The following SLC7A7 variants were observed in gnomAD, a reference collection of about 807,000 sequenced individuals.
The protein encoded by SLC7A7 is Y+L amino acid transporter 1.
A neutral mutation model predicts 47.9 loss-of-function variants in SLC7A7; 39 were observed. The ratio of observed to expected loss-of-function variants is 0.81; its 90% CI spans 0.63 to 1.06. The LOEUF (loss-of-function observed/expected upper bound fraction) is 1.06. Ranked by LOEUF, SLC7A7 falls within the 50% of genes least tolerant of loss-of-function variation. SLC7A7 has a pLI of 0.00. For missense variants in SLC7A7, 588 were observed against 632.0 expected, an observed-to-expected ratio of 0.93 and a Z score of 0.75; for synonymous variants, 234 against 242.8, an observed-to-expected ratio of 0.96 and a Z score of 0.34.
chr14:22,773,609 TTTAG>T lies in SLC7A7; in HGVS notation c.1533_1536del (p.Asn511LysfsTer7). 1 of 1,611,332 alleles carries T rather than the reference TTTAG, an allele frequency of 6.2e-7. No individual in the cohort carries two copies. Among genetic ancestry groups the T allele is most frequent in the Non-Finnish European group, 8.5e-7 (1 of 1,177,372 alleles). On this transcript the variant is annotated frameshift_variant and stop_lost, in exon 10 of 10. Transcript: ENST00000674313. LOFTEE classifies it high-confidence loss of function. ...TTCCACATCAGGATTCCAGATGGTG[TTTAG>T]TTAGATTTGGGATCCCGTTGCTTGG...
At position 22,810,239 on chromosome 14, in the gene SLC7A7, C is replaced by T. The variant is rs145316029; in HGVS notation, c.499+2661G>A. ...CAGCACTTTGGGAGGCCGAGGTAGG[C>T]GGATTACCTGAGGTCCGGAGTTCGA... On this transcript the variant is annotated intron_variant, in intron 2 of 9. Transcript: ENST00000674313. 4.2e-3 allele frequency among the ~76,000 whole-genome samples: 632 copies of T among 151,664 alleles called. 5 individuals carry two copies. Among genetic ancestry groups the T allele is most frequent in the African/African-American group, 0.015 (614 of 41,338 alleles).
At chr14:22,815,609 T>C (rs532740143), upstream of SLC7A7, 9 of 454,030 alleles carry the variant, frequency 2.0e-5, no homozygotes, top group East Asian at 3.5e-4. Context: ...CTCAGCACTT[T>C]CTGTGATAAG....
At chr14:22,812,058 A>G (rs1594983893) in intron 2 of SLC7A7, among the ~76,000 whole-genome samples, 1 of 152,346 alleles carries the variant, frequency 6.6e-6, no homozygotes, top group South Asian at 2.1e-4. Context: ...TAGATCTGTA[A>G]GTAGAAAAGA....
intron 2 of SLC7A7, among the ~76,000 whole-genome samples, chr14:22,783,400 ACTT>A (rs1156501656): frequency 2.1e-5 from 3 of 141,054 alleles, no homozygotes; most frequent in East Asian, 2.1e-4. Context: ...TTGCTTCTCT[ACTT>A]CTTTTTTTTT....
upstream of SLC7A7, chr14:22,815,463 A>C: frequency 2.2e-6 from 1 of 454,572 alleles, no homozygotes; most frequent in South Asian, 1.6e-5. Flanking sequence ...TATGGATTTA[A>C]GCAAGAAGGG....
intron 2 of SLC7A7, among the ~76,000 whole-genome samples, chr14:22,802,713 T>C (rs1323799629): frequency 6.6e-6 from 1 of 152,188 alleles, no homozygotes; most frequent in Non-Finnish European, 1.5e-5. Flanking sequence ...AGCTTCCTAA[T>C]AGTGTCTCTG....
At chr14:22,810,289 AC>A (rs1178421230) in intron 2 of SLC7A7, among the ~76,000 whole-genome samples, 1 of 150,960 alleles carries the variant, frequency 6.6e-6, no homozygotes, top group Non-Finnish European at 1.5e-5. Context: ...ACATGGAGAA[AC>A]CCCATCTCTA....
chr14:22,786,864 T>C (rs951200333), intron 2 of SLC7A7, among the ~76,000 whole-genome samples: 7 of 150,704 alleles, frequency 4.6e-5, no homozygotes, highest in Non-Finnish European at 7.4e-5. Context: ...TGAGCCCAAG[T>C]GGTCAAGGCT....
At chr14:22,786,698 C>G (rs542184518) in intron 2 of SLC7A7, among the ~76,000 whole-genome samples, 2 of 152,258 alleles carry the variant, frequency 1.3e-5, no homozygotes, top group South Asian at 2.1e-4. Context: ...TTTTGGGAGG[C>G]CGAGGTTGGA....
intron 2 of SLC7A7, among the ~76,000 whole-genome samples, chr14:22,790,586 A>G (rs1413005242): frequency 6.6e-6 from 1 of 152,148 alleles, no homozygotes; most frequent in East Asian, 1.9e-4. Flanking sequence ...TCTTTAATGT[A>G]CTACATGAAT....
chr14:22,797,150 A>G (rs934845577), intron 2 of SLC7A7, among the ~76,000 whole-genome samples: 6 of 152,182 alleles, frequency 3.9e-5, no homozygotes, highest in Non-Finnish European at 7.3e-5. Context: ...TCCAAAGCCT[A>G]CATCCATTCC....
chr14:22,785,839 G>A (rs1267906640), intron 2 of SLC7A7, among the ~76,000 whole-genome samples: 3 of 151,694 alleles, frequency 2.0e-5, no homozygotes, highest in South Asian at 2.1e-4. Context: ...TGGCTAACAC[G>A]GTGAAACCCC....
intron 2 of SLC7A7, among the ~76,000 whole-genome samples, chr14:22,782,503 C>T (rs1264933755): frequency 5.3e-5 from 8 of 151,022 alleles, no homozygotes; most frequent in African/African-American, 1.9e-4. Context: ...GCTCTGTCAC[C>T]CAGGCTGAAG....
intron 2 of SLC7A7, among the ~76,000 whole-genome samples, chr14:22,806,857 C>T (rs1298777364): frequency 3.3e-5 from 5 of 151,014 alleles, no homozygotes; most frequent in Admixed American, 6.6e-5. Flanking sequence ...GAGAGCTCCC[C>T]GACCCCCGGC....
At chr14:22,775,406 G>T in intron 7 of SLC7A7, 38 bp downstream of exon 7, 1 of 1,525,290 alleles carries the variant, frequency 6.6e-7, no homozygotes, top group East Asian at 2.2e-5. Context: ...AGTTTCCCCC[G>T]CAATCTGGCT....
chr14:22,773,801 G>T (rs991886207), intron 9 of SLC7A7, 85 bp from the exon 10 acceptor site: 1 of 1,525,502 alleles, frequency 6.6e-7, no homozygotes, highest in Non-Finnish European at 9.1e-7. Context: ...AGTGTGAGGG[G>T]AGTGATTCCA....
chr14:22,801,561 A>G (rs1353316425), intron 2 of SLC7A7, among the ~76,000 whole-genome samples: 1 of 152,080 alleles, frequency 6.6e-6, no homozygotes, highest in East Asian at 1.9e-4. Flanking sequence ...AGGCAGGCGG[A>G]TCATGAGGTC....
chr14:22,778,920 C>A lies in SLC7A7; in HGVS notation c.643G>T (p.Glu215Ter). ...AATGATGAACCCTCAAAGGAATTCT[C>A]AAAATGAGTAGAGGCTCCTGGAACC... Reference protein sequence around the residue: ...RLGQGASTHFENSFEGSSFAV... With the variant: ...RLGQGASTHF Residue 215 changes from glutamate to a stop codon, truncating the protein, a stop_gained, in exon 4 of 10, where the codon GAG becomes TAG. Coordinates refer to ENST00000674313, the MANE Select transcript of SLC7A7 (RefSeq NM_003982.4). LOFTEE classifies it high-confidence loss of function. The A allele has an allele frequency of 6.2e-7, 1 of 1,614,060 alleles. No homozygotes were observed. Among genetic ancestry groups the A allele is most frequent in the African/African-American group, 1.3e-5 (1 of 75,008 alleles).
chr14:22,816,077 A>AT (rs2039403528), upstream of SLC7A7: 6 of 180,646 alleles, frequency 3.3e-5, no homozygotes, highest in South Asian at 6.6e-4. Context: ...ATCTGACTGC[A>AT]TCCCCACCAG....
Sources: gnomAD v4.1 joint callset for allele counts (sites outside exome capture counted in the v4.1 genomes callset) on GRCh38, gnomAD v4.1.1 for gene constraint, MANE v1.5 for transcripts, NCBI Gene and HGNC (gene_info 2026-07-23, HGNC 2026-07-21) for gene names.